Variants in GSG1L observed in about 807,000 individuals in gnomAD.
GSG1L encodes GSG1 like.
A neutral mutation model predicts 42.1 loss-of-function variants in GSG1L; 24 were observed. That is an observed-to-expected ratio of 0.57 (90% CI 0.41 to 0.80). The LOEUF is 0.80. Ranked by LOEUF, GSG1L falls within the 30% of genes least tolerant of loss-of-function variation. The pLI is 0.00. For missense variants in GSG1L, 445 were observed against 472.2 expected, an observed-to-expected ratio of 0.94 and a Z score of 0.53; for synonymous variants, 215 against 203.5, an observed-to-expected ratio of 1.06 and a Z score of -0.48.
At chr16:27,978,707 A>AAAT (rs2085278379) in intron 1 of GSG1L, among the ~76,000 whole-genome samples, 1 of 151,096 alleles carries the variant, frequency 6.6e-6, no homozygotes, top group Non-Finnish European at 1.5e-5. Context: ...AAAAAAAAAA[A>AAAT]ATCAAATCCC....
chr16:27,948,631 A>G (rs1322368174), intron 2 of GSG1L, among the ~76,000 whole-genome samples: 3 of 117,402 alleles, frequency 2.6e-5, no homozygotes, highest in African/African-American at 3.2e-5. Flanking sequence ...TTTTTTTGAG[A>G]TGGAGTCTCG....
intron 2 of GSG1L, among the ~76,000 whole-genome samples, chr16:27,891,884 C>CTTT (rs60746199): frequency 0.042 from 3,103 of 74,152 alleles, 383 homozygotes; most frequent in East Asian, 0.13. Context: ...AGTGACAGAT[C>CTTT]TTTTTTTTTT....
chr16:27,930,249 T>C (rs1054310913), intron 2 of GSG1L, among the ~76,000 whole-genome samples: 1 of 152,206 alleles, frequency 6.6e-6, no homozygotes, highest in Non-Finnish European at 1.5e-5. Context: ...TACTAGGTGC[T>C]GTTCTCATCG....
At chr16:27,910,731 A>T (rs1196246018) in intron 2 of GSG1L, among the ~76,000 whole-genome samples, 1 of 152,194 alleles carries the variant, frequency 6.6e-6, no homozygotes. Context: ...CTCCAGGTCT[A>T]GGCTGGGTGT....
intron 5 of GSG1L, among the ~76,000 whole-genome samples, chr16:27,828,456 A>G (rs1336243319): frequency 2.6e-5 from 4 of 152,224 alleles, no homozygotes. Context: ...ACAGAGCCCA[A>G]GAAGGAAACC....
At chr16:27,844,637 C>T (rs1345470984) in intron 4 of GSG1L, among the ~76,000 whole-genome samples, 1 of 152,178 alleles carries the variant, frequency 6.6e-6, no homozygotes, top group Admixed American at 6.5e-5. Context: ...ATTTGAATTT[C>T]ATGTAATTTT....
intron 2 of GSG1L, among the ~76,000 whole-genome samples, chr16:27,903,005 G>C (rs1414712478): frequency 6.6e-6 from 1 of 152,138 alleles, no homozygotes; most frequent in Non-Finnish European, 1.5e-5. Flanking sequence ...AGCAGTGGCG[G>C]CCAGGCGAGC....
rs375571937 is a variant in GSG1L, at chr16:28,052,586, A to G, written c.349+10490T>C. Among the ~76,000 whole-genome samples, 11 of 152,302 alleles carry G rather than the reference A, an allele frequency of 7.2e-5. No homozygotes were observed. The East Asian group carries it at 1.4e-3, about 19-fold the overall frequency. ...CATACCCTTTCCTGCCTTGACAGCC[A>G]TGGAAAATCAGAGATGGAGCATCCT... is the stretch of plus-strand genomic sequence containing the variant. On this transcript the variant is annotated intron_variant, in intron 1 of 6. Transcript: ENST00000447459.
rs1222109969 is a variant in GSG1L at position 28,040,278 on chromosome 16, C to T, written c.349+22798G>A. On this transcript the variant is annotated intron_variant, in intron 1 of 6. Coordinates refer to ENST00000447459, the MANE Select transcript of GSG1L (RefSeq NM_001109763.2). This position sits in a 1 kb window ranked among gnomAD's most constrained non-coding sequence, Gnocchi z 4.1. ...TCCGTCTGAGGCTCTTTCTCCAGAT[C>T]TCCACAGGGAGGCTCCTTTTTGACA... Among the ~76,000 whole-genome samples, 1 of 152,184 alleles carries T rather than the reference C, an allele frequency of 6.6e-6. No individual in the cohort carries two copies. Among genetic ancestry groups the T allele is most frequent in the African/African-American group, 2.4e-5 (1 of 41,444 alleles).
chr16:27,816,511 C>G (rs548702665), intron 5 of GSG1L, among the ~76,000 whole-genome samples: 3 of 152,306 alleles, frequency 2.0e-5, no homozygotes, highest in African/African-American at 4.8e-5. Context: ...GTGAACAGCA[C>G]CAGCCCTATT....
intron 2 of GSG1L, among the ~76,000 whole-genome samples, chr16:27,894,163 A>G (rs2084162721): frequency 6.6e-6 from 1 of 152,240 alleles, no homozygotes; most frequent in Non-Finnish European, 1.5e-5. Context: ...ATACATCGCC[A>G]TTGAACCTCA....
At chr16:28,041,172 T>C (rs531129955) in intron 1 of GSG1L, among the ~76,000 whole-genome samples, 1 of 152,304 alleles carries the variant, frequency 6.6e-6, no homozygotes, top group East Asian at 1.9e-4. Context: ...TATCAGAGTC[T>C]GGGTGTGCTG....
At chr16:27,809,129 A>G (rs1191081858) in intron 5 of GSG1L, among the ~76,000 whole-genome samples, 1 of 152,174 alleles carries the variant, frequency 6.6e-6, no homozygotes, top group Non-Finnish European at 1.5e-5. Context: ...ATGGTGGCTC[A>G]TATCTGTTTT....
intron 2 of GSG1L, among the ~76,000 whole-genome samples, chr16:27,920,500 T>C (rs1185393823): frequency 6.6e-6 from 1 of 152,222 alleles, no homozygotes; most frequent in African/African-American, 2.4e-5. Flanking sequence ...CAGCCCTCTC[T>C]CTTTTATCAT....
At chr16:27,961,898 A>T (rs761509130) in intron 2 of GSG1L, among the ~76,000 whole-genome samples, 4 of 152,020 alleles carry the variant, frequency 2.6e-5, no homozygotes, top group Non-Finnish European at 4.4e-5. Flanking sequence ...CTTGCCCCTC[A>T]ACTTCACCAG....
chr16:27,832,447 T>C (rs1337979157), intron 4 of GSG1L, among the ~76,000 whole-genome samples: 2 of 152,214 alleles, frequency 1.3e-5, no homozygotes, highest in Non-Finnish European at 2.9e-5. Flanking sequence ...TCTTCAAGTA[T>C]TTTACATAAA....
intron 6 of GSG1L, 67 bp from the exon 7 acceptor site, chr16:27,791,534 G>GC: frequency 1.9e-6 from 2 of 1,043,492 alleles, no homozygotes; most frequent in South Asian, 2.5e-5. Flanking sequence ...TCTACCCACC[G>GC]CCCCCCACCC....
chr16:27,795,028 A>G (rs2082802536), intron 6 of GSG1L, among the ~76,000 whole-genome samples: 1 of 151,928 alleles, frequency 6.6e-6, no homozygotes, highest in Non-Finnish European at 1.5e-5. Flanking sequence ...CGAACTCATC[A>G]CTTTGTGTTG....
intron 2 of GSG1L, among the ~76,000 whole-genome samples, chr16:27,915,240 C>CACACACA (rs1706425540): frequency 6.8e-6 from 1 of 146,818 alleles, no homozygotes; most frequent in African/African-American, 2.5e-5. Context: ...CACACACACA[C>CACACACA]CCTGTTGGTT....
Sources: gnomAD v4.1 joint callset for allele counts (sites outside exome capture counted in the v4.1 genomes callset) on GRCh38, gnomAD v4.1.1 for gene constraint, Gnocchi (gnomAD v3.1) non-coding constraint, MANE v1.5 for transcripts, NCBI Gene and HGNC (gene_info 2026-07-23, HGNC 2026-07-21) for gene names.